CECR2: variants seen among roughly 807,000 people sequenced by gnomAD.
CECR2 encodes chromatin remodeling regulator CECR2.
A neutral mutation model predicts 154.5 loss-of-function variants in CECR2; 30 were observed. That is an observed-to-expected ratio of 0.19 (90% CI 0.15 to 0.26). The LOEUF (loss-of-function observed/expected upper bound fraction) is 0.26, where lower values mean the gene tolerates loss of function less well. Among genes scored for constraint, CECR2 ranks in the 10% least tolerant of loss-of-function variants. CECR2 has a pLI of 1.00. For synonymous variants in CECR2, 725 were observed against 683.7 expected (o/e 1.06, Z -0.94); for missense variants, 1,743 against 1,829.3 (o/e 0.95, Z 0.86).
At chr22:17,518,767 C>T in intron 8 of CECR2, 1 of 365,274 alleles carries the variant, frequency 2.7e-6, no homozygotes, top group Admixed American at 3.0e-5. Context: ...ACATTTGTCA[C>T]AAATCATATT....
chr22:17,515,469 C>G (rs1601495611), intron 8 of CECR2, among the ~76,000 whole-genome samples: 1 of 152,192 alleles, frequency 6.6e-6, no homozygotes, highest in Admixed American at 6.5e-5. Flanking sequence ...TTACTATTTA[C>G]GTTTTTACGT....
At chr22:17,428,702 T>C (rs1317360701) in intron 1 of CECR2, among the ~76,000 whole-genome samples, 1 of 152,140 alleles carries the variant, frequency 6.6e-6, no homozygotes, top group African/African-American at 2.4e-5. Flanking sequence ...GGTCTCGAAC[T>C]CCTGGGCTCG....
chr22:17,506,705 G>A (rs1018031134), intron 7 of CECR2, among the ~76,000 whole-genome samples: 5 of 152,140 alleles, frequency 3.3e-5, no homozygotes, highest in Admixed American at 6.6e-5. Context: ...TCAGGGTGGA[G>A]TGCAGTGGCA....
At chr22:17,447,068 T>C (rs1017677140) in intron 1 of CECR2, among the ~76,000 whole-genome samples, 4 of 130,020 alleles carry the variant, frequency 3.1e-5, no homozygotes, top group African/African-American at 9.5e-5. Flanking sequence ...AGAGTCTCGC[T>C]GTCTTGCCCA....
At chr22:17,398,862 G>A (rs1459950171) in intron 1 of CECR2, among the ~76,000 whole-genome samples, 1 of 152,180 alleles carries the variant, frequency 6.6e-6, no homozygotes, top group East Asian at 1.9e-4. Context: ...TGAGATAATT[G>A]AGGCTCAGGG....
chr22:17,441,039 C>T (rs67203878), intron 1 of CECR2, among the ~76,000 whole-genome samples: 5,258 of 152,114 alleles, frequency 0.035, 227 homozygotes, highest in East Asian at 0.23. Context: ...CTTACCACAA[C>T]CCGGGTTCAA....
Position 17,541,280 on chromosome 22 carries a change from C to A in CECR2, c.1884+480C>A, listed in dbSNP as rs538709912. Among the ~76,000 whole-genome samples, 26 of 152,152 alleles carry A rather than the reference C, an allele frequency of 1.7e-4. No homozygotes were observed. In the South Asian group the frequency reaches 5.4e-3, roughly 32 times the overall value. The stretch of plus-strand genomic sequence containing the variant: ...ACCAGCCTAGCTAACATGGTGAAAC[C>A]CTGTCTCTACTAAAAATACAAAAAT... On this transcript the variant is annotated intron_variant, in intron 14 of 18. Coordinates refer to ENST00000262608, the MANE Select transcript of CECR2 (RefSeq NM_001290047.2).
chr22:17,529,125 T>C (rs189442854), intron 9 of CECR2, among the ~76,000 whole-genome samples: 38 of 152,146 alleles, frequency 2.5e-4, no homozygotes, highest in Non-Finnish European at 2.5e-4. Context: ...CTCTGAAGAT[T>C]TGACATTTAA....
chr22:17,387,937 T>C (rs16982357), intron 1 of CECR2, among the ~76,000 whole-genome samples: 8,216 of 152,022 alleles, frequency 0.054, 321 homozygotes, highest in African/African-American at 0.12. Flanking sequence ...GTTTTAAGTT[T>C]TGAGTTTTTT....
At chr22:17,538,606 G>C (rs770815281) in intron 11 of CECR2, 34 bp from the exon 12 acceptor site, 10 of 1,613,478 alleles carry the variant, frequency 6.2e-6, no homozygotes, top group South Asian at 2.2e-5. Context: ...GTTTTCCTCT[G>C]TGAGTGTGTT....
At chr22:17,498,501 A>C (rs998694270) in intron 3 of CECR2, among the ~76,000 whole-genome samples, 3 of 152,148 alleles carry the variant, frequency 2.0e-5, no homozygotes, top group Non-Finnish European at 2.9e-5. Context: ...TGTGGTGATG[A>C]CTTCTCAGTT....
intron 18 of CECR2, 101 bp from the exon 19 acceptor site, chr22:17,552,734 T>G: frequency 8.7e-7 from 1 of 1,153,684 alleles, no homozygotes; most frequent in East Asian, 2.6e-5. Flanking sequence ...TCAAGCCATT[T>G]TCACACATGA....
At chr22:17,366,882 G>A (rs1243325349), upstream of CECR2, among the ~76,000 whole-genome samples, 1 of 152,198 alleles carries the variant, frequency 6.6e-6, no homozygotes, top group Non-Finnish European at 1.5e-5. Context: ...ATCCGTTCCA[G>A]AGGGTAGTTG....
chr22:17,544,788 C>A (rs1038656795), intron 16 of CECR2, among the ~76,000 whole-genome samples: 1 of 120,338 alleles, frequency 8.3e-6, no homozygotes, highest in African/African-American at 3.2e-5. Flanking sequence ...CCAGCCTGGG[C>A]CACAAAGTGA....
intron 9 of CECR2, among the ~76,000 whole-genome samples, chr22:17,531,054 G>A (rs1190552366): frequency 6.6e-6 from 1 of 152,110 alleles, no homozygotes; most frequent in African/African-American, 2.4e-5. Context: ...GATATGTCTG[G>A]GTAACTAGAA....
At chr22:17,497,645 A>G in intron 3 of CECR2, 59 bp downstream of exon 3, 1 of 1,550,106 alleles carries the variant, frequency 6.5e-7, no homozygotes, top group Non-Finnish European at 8.9e-7. Context: ...TCAGAAATGT[A>G]GTCAGAACGT....
rs76108458 is a variant in CECR2 at position 17,460,213 on chromosome 22, T to C, written c.127-17375T>C. On this transcript the variant is annotated intron_variant, in intron 1 of 18. Transcript: ENST00000262608. ...TGAGGTTTCTTCTTTGGAAAAAATT[T>C]AGATTTAATTTTCTGAGACAGAGTT... is the stretch of plus-strand genomic sequence containing the variant. 3.4e-3 allele frequency among the ~76,000 whole-genome samples: 517 copies of C among 152,288 alleles called. 2 individuals are homozygous for C. The highest frequency in any genetic ancestry group is 0.01 in the African/African-American group (427 of 41,560).
intron 1 of CECR2, among the ~76,000 whole-genome samples, chr22:17,431,884 A>G (rs994810581): frequency 6.6e-5 from 10 of 152,204 alleles, no homozygotes; most frequent in Non-Finnish European, 1.5e-4. Context: ...AGCCATGACC[A>G]CAGTCAATTT....
intron 1 of CECR2, chr22:17,419,370 T>C (rs1214967415): frequency 1.1e-5 from 2 of 176,822 alleles, no homozygotes; most frequent in Middle Eastern, 6.4e-4. Flanking sequence ...AAAAGATGCT[T>C]GCAGAAGCCA....
Sources: allele counts gnomAD v4.1 joint callset (sites outside exome capture counted in the v4.1 genomes callset), GRCh38; gene constraint gnomAD v4.1.1; transcripts MANE v1.5; gene names NCBI Gene and HGNC (gene_info 2026-07-23, HGNC 2026-07-21).